The following KCNT2 variants were observed in gnomAD, a reference collection of about 807,000 sequenced individuals.
The protein encoded by KCNT2 is potassium sodium-activated channel subfamily T member 2, also known as potassium channel subfamily T member 2.
Under a neutral mutation model 153.8 loss-of-function variants are expected in KCNT2, and 67 were observed. The ratio of observed to expected loss-of-function variants is 0.44; its 90% CI spans 0.36 to 0.53. KCNT2 has a LOEUF of 0.53. KCNT2 is among the 20% of genes least tolerant of loss of function. The pLI is 0.00. For synonymous variants in KCNT2, 500 were observed against 458.8 expected (o/e 1.09, Z -1.15); for missense variants, 975 against 1,354.8 (o/e 0.72, Z 4.40).
chr1:196,234,103 T>C (rs1359832048), intron 27 of KCNT2, among the ~76,000 whole-genome samples: 1 of 151,424 alleles, frequency 6.6e-6, no homozygotes, highest in Non-Finnish European at 1.5e-5. Flanking sequence ...GGGTAATGGC[T>C]ACCTCAATTA....
intron 1 of KCNT2, among the ~76,000 whole-genome samples, chr1:196,522,451 AC>A (rs1414814110): frequency 6.6e-6 from 1 of 152,192 alleles, no homozygotes; most frequent in East Asian, 1.9e-4. Context: ...AAGTCATTAA[AC>A]CTTACATTTT....
intron 1 of KCNT2, among the ~76,000 whole-genome samples, chr1:196,556,284 G>A (rs1658648262): frequency 6.6e-6 from 1 of 151,154 alleles, no homozygotes; most frequent in Non-Finnish European, 1.5e-5. Flanking sequence ...ATATAAAGAG[G>A]TCAAACAACT....
chr1:196,282,019 G>T (rs1571895616), intron 24 of KCNT2, among the ~76,000 whole-genome samples: 1 of 151,980 alleles, frequency 6.6e-6, no homozygotes, highest in Admixed American at 6.6e-5. Flanking sequence ...AAAGTGCTAG[G>T]ATTACAGGTG....
intron 1 of KCNT2, among the ~76,000 whole-genome samples, chr1:196,514,685 A>C (rs1681907707): frequency 1.3e-5 from 2 of 152,194 alleles, no homozygotes; most frequent in African/African-American, 4.8e-5. Flanking sequence ...TTTATATACC[A>C]ATGTACATAC....
rs773639795 is a variant in KCNT2, at chr1:196,327,668, C to CTTTTTTTT, written c.2104-787_2104-780dup. Among the ~76,000 whole-genome samples, 10 of 127,888 alleles carry CTTTTTTTT rather than the reference C, an allele frequency of 7.8e-5. 1 individual carries two copies. The highest frequency in any genetic ancestry group is 2.3e-4 in the South Asian group (1 of 4,278). The allele number at this position is 127,888 out of a possible 152,430, so 83.9% of individuals were successfully genotyped here. ...TTTATCACCTCTGGAATATTCTGAT[C>CTTTTTTTT]TTTTTTTTTTTTTTTGAGACAGGGC... On this transcript the variant is annotated intron_variant, in intron 18 of 27. Coordinates refer to ENST00000294725, the MANE Select transcript of KCNT2 (RefSeq NM_198503.5).
At position 196,342,117 on chromosome 1, in the gene KCNT2, T is replaced by G. The variant is rs372254711; in HGVS notation, c.1515A>C (p.Gly505=). 1 of 1,611,568 alleles carries G rather than the reference T, an allele frequency of 6.2e-7. No homozygotes were observed. Among genetic ancestry groups the G allele is most frequent in the Admixed American group, 1.7e-5 (1 of 59,616 alleles). The part of the protein sequence containing the change: ...EESTFFAEYE[G]KSFTYASFHA... The stretch of plus-strand genomic sequence containing the variant: ...GGAAAGAGGCATATGTAAAACTCTT[T>G]CCTTCATATTCAGCAAAAAATGTAC... The change falls in exon 15 of 28, where the codon GGA becomes GGC. Residue 505 remains glycine, a synonymous_variant. Transcript: ENST00000294725.
At position 196,489,903 on chromosome 1, in the gene KCNT2, T is replaced by C. The variant is rs16840005; in HGVS notation, c.210A>G (p.Lys70=). The change falls in exon 3 of 28, where the codon AAA becomes AAG. Residue 70 remains lysine, a synonymous_variant. Transcript: ENST00000294725. ...TTATGTATAATAAGCAGCTTAGTAA[T>C]TTGAGAGAAAAATTGAACAGGCGTA... ...LRIRLFNFSL[K]LLSCLLYIIR... 1.1e-3 allele frequency: 1,696 copies of C among 1,587,036 alleles called. 13 individuals carry two copies. The African/African-American group carries it at 0.02, about 19-fold the overall frequency.
intron 14 of KCNT2, among the ~76,000 whole-genome samples, chr1:196,372,328 C>T (rs1189276430): frequency 6.6e-6 from 1 of 151,824 alleles, no homozygotes; most frequent in Non-Finnish European, 1.5e-5. Flanking sequence ...TGACACTTCA[C>T]CTAAACAATT....
chr1:196,552,978 C>T (rs1658139557), intron 1 of KCNT2, among the ~76,000 whole-genome samples: 1 of 150,654 alleles, frequency 6.6e-6, no homozygotes, highest in African/African-American at 2.4e-5. Flanking sequence ...ATCAACTTCA[C>T]TAAAAGAAAG....
At chr1:196,400,059 A>G (rs1252816296) in intron 12 of KCNT2, among the ~76,000 whole-genome samples, 1 of 151,840 alleles carries the variant, frequency 6.6e-6, no homozygotes, top group Non-Finnish European at 1.5e-5. Context: ...AAGTTGATGA[A>G]TAGTAGTCCA....
At chr1:196,240,965 C>G (rs1425899116) in intron 26 of KCNT2, among the ~76,000 whole-genome samples, 1 of 150,440 alleles carries the variant, frequency 6.6e-6, no homozygotes, top group Non-Finnish European at 1.5e-5. Context: ...ATATTGGTAG[C>G]AAGAGAACAA....
At chr1:196,248,139 CA>C (rs1212442349) in intron 26 of KCNT2, among the ~76,000 whole-genome samples, 22 of 151,922 alleles carry the variant, frequency 1.4e-4, no homozygotes, top group South Asian at 2.1e-4. Flanking sequence ...CTATGGGGTA[CA>C]ATGAAAGCGG....
chr1:196,411,335 T>C (rs1672309595), intron 12 of KCNT2, among the ~76,000 whole-genome samples: 1 of 150,758 alleles, frequency 6.6e-6, no homozygotes, highest in African/African-American at 2.4e-5. Context: ...TATTTTTAAA[T>C]CACAAAGTTT....
intron 26 of KCNT2, among the ~76,000 whole-genome samples, chr1:196,255,397 A>G (rs796596047): frequency 1.1e-4 from 17 of 151,830 alleles, no homozygotes; most frequent in African/African-American, 3.9e-4. Context: ...ATTATATTGA[A>G]GAAAGTTACA....
At chr1:196,263,385 A>G (rs1185847863) in intron 25 of KCNT2, among the ~76,000 whole-genome samples, 3 of 152,088 alleles carry the variant, frequency 2.0e-5, no homozygotes, top group Admixed American at 6.6e-5. Context: ...CTAACATAAG[A>G]ACAGAAAACC....
chr1:196,532,910 G>A (rs1411843064), intron 1 of KCNT2, among the ~76,000 whole-genome samples: 1 of 151,924 alleles, frequency 6.6e-6, no homozygotes, highest in Admixed American at 6.6e-5. Flanking sequence ...ATATCATCTT[G>A]GGAATATAAT....
intron 13 of KCNT2, among the ~76,000 whole-genome samples, chr1:196,397,749 A>C (rs944443572): frequency 7.3e-5 from 11 of 151,572 alleles, no homozygotes; most frequent in Admixed American, 6.6e-4. Context: ...ACTAACAGGT[A>C]AGAATTTTAA....
intron 8 of KCNT2, among the ~76,000 whole-genome samples, chr1:196,457,629 T>A (rs1162667135): frequency 6.6e-6 from 1 of 151,714 alleles, no homozygotes; most frequent in Non-Finnish European, 1.5e-5. Flanking sequence ...AAGGTAAATG[T>A]ATTAAGAACA....
chr1:196,524,391 G>A (rs1379949175), intron 1 of KCNT2, among the ~76,000 whole-genome samples: 1 of 152,170 alleles, frequency 6.6e-6, no homozygotes, highest in Non-Finnish European at 1.5e-5. Flanking sequence ...GTTTTCCAGA[G>A]AGGAATCAGG....
Sources: allele counts gnomAD v4.1 joint callset (sites outside exome capture counted in the v4.1 genomes callset), GRCh38; gene constraint gnomAD v4.1.1; transcripts MANE v1.5; gene names NCBI Gene and HGNC (gene_info 2026-07-23, HGNC 2026-07-21).